Variants in AKAP19 observed in about 807,000 individuals in gnomAD.
AKAP19 encodes the protein A-kinase anchoring protein 19, also known as small A-kinase anchoring protein.
chr2:189,918,020 T>C, the AKAP19 span, among the ~76,000 whole-genome samples: 1 of 152,090 alleles, frequency 6.6e-6, no homozygotes, highest in Non-Finnish European at 1.5e-5. Flanking sequence ...ACATAACTTA[T>C]CATTGTCCAC....
the AKAP19 span, among the ~76,000 whole-genome samples, chr2:189,951,129 A>G: frequency 6.7e-6 from 1 of 150,104 alleles, no homozygotes; most frequent in Non-Finnish European, 1.5e-5. Flanking sequence ...ACTTCCTAGT[A>G]CCAGTATTAG....
the AKAP19 span, among the ~76,000 whole-genome samples, chr2:190,020,531 C>A: frequency 0.011 from 1,750 of 152,256 alleles, 31 homozygotes; most frequent in African/African-American, 0.04. Flanking sequence ...ACAAACCATC[C>A]TTTTCCTACT....
At chr2:190,154,466 C>A in the AKAP19 span, among the ~76,000 whole-genome samples, 14 of 152,218 alleles carry the variant, frequency 9.2e-5, no homozygotes, top group Admixed American at 9.2e-4. Context: ...CACAGATATT[C>A]ATAACTAATC....
the AKAP19 span, among the ~76,000 whole-genome samples, chr2:190,096,776 A>G: frequency 6.6e-6 from 1 of 152,184 alleles, no homozygotes; most frequent in Admixed American, 6.5e-5. Flanking sequence ...AGTAGGAGTC[A>G]GTCCTCTCAA....
chr2:190,050,485 C>T, the AKAP19 span, among the ~76,000 whole-genome samples: 4 of 152,146 alleles, frequency 2.6e-5, no homozygotes, highest in South Asian at 6.2e-4. Flanking sequence ...TTTCTGATCA[C>T]GCTTACTAAT....
the AKAP19 span, among the ~76,000 whole-genome samples, chr2:190,109,873 GCTA>G: frequency 6.6e-6 from 1 of 152,280 alleles, no homozygotes; most frequent in East Asian, 1.9e-4. Flanking sequence ...TATCCATGGT[GCTA>G]CTATTAGGTG....
the AKAP19 span, chr2:190,137,913 A>G: frequency 5.7e-4 from 2 of 3,528 alleles, no homozygotes; most frequent in East Asian, 0.05. Flanking sequence ...TGATTGACAC[A>G]CCAAACCCTT....
At chr2:190,031,130 A>G in the AKAP19 span, among the ~76,000 whole-genome samples, 5 of 152,146 alleles carry the variant, frequency 3.3e-5, no homozygotes, top group Non-Finnish European at 7.4e-5. Context: ...TGACAGGAGG[A>G]TGGGTACTTT....
the AKAP19 span, among the ~76,000 whole-genome samples, chr2:190,175,610 AT>A: frequency 6.6e-6 from 1 of 151,906 alleles, no homozygotes. Flanking sequence ...AAACTAAAGA[AT>A]TTTTTTCTTC....
the AKAP19 span, among the ~76,000 whole-genome samples, chr2:190,031,848 T>G: frequency 6.6e-6 from 1 of 152,154 alleles, no homozygotes; most frequent in Non-Finnish European, 1.5e-5. Flanking sequence ...GCTGGGTCAG[T>G]TTTTTAAAAA....
chr2:189,894,273 TTAAAA>T, the AKAP19 span, among the ~76,000 whole-genome samples: 2 of 152,178 alleles, frequency 1.3e-5, no homozygotes, highest in African/African-American at 4.8e-5. Context: ...TAAGGGTAGA[TTAAAA>T]TAATTTTCTT....
the AKAP19 span, among the ~76,000 whole-genome samples, chr2:189,980,314 A>G: frequency 6.6e-6 from 1 of 152,248 alleles, no homozygotes; most frequent in Non-Finnish European, 1.5e-5. Context: ...GCAGAAACAG[A>G]AAATCAAATC....
the AKAP19 span, among the ~76,000 whole-genome samples, chr2:189,966,947 A>G: frequency 6.6e-6 from 1 of 152,218 alleles, no homozygotes; most frequent in South Asian, 2.1e-4. Flanking sequence ...GAAAACCTGC[A>G]ACTAGAATGG....
the AKAP19 span, among the ~76,000 whole-genome samples, chr2:189,995,928 T>C: frequency 6.6e-6 from 1 of 152,192 alleles, no homozygotes; most frequent in East Asian, 1.9e-4. Context: ...AGGACCCCAA[T>C]CATTTCTGGC....
the AKAP19 span, among the ~76,000 whole-genome samples, chr2:189,937,002 G>GT: frequency 9.9e-5 from 15 of 152,058 alleles, no homozygotes; most frequent in African/African-American, 3.6e-4. Flanking sequence ...GGGCATAATG[G>GT]TGCATGCCTG....
At chr2:189,885,017 A>G in the AKAP19 span, among the ~76,000 whole-genome samples, 1 of 152,208 alleles carries the variant, frequency 6.6e-6, no homozygotes, top group African/African-American at 2.4e-5. Context: ...GGGAAGTCAG[A>G]TTTATGTTTT....
At chr2:190,050,186 A>G in the AKAP19 span, among the ~76,000 whole-genome samples, 1 of 152,252 alleles carries the variant, frequency 6.6e-6, no homozygotes, top group Non-Finnish European at 1.5e-5. Flanking sequence ...ATTGAAGTGA[A>G]GTACAGAAAC....
At chr2:190,155,697 AATGTCT>A in the AKAP19 span, among the ~76,000 whole-genome samples, 5 of 152,194 alleles carry the variant, frequency 3.3e-5, no homozygotes, top group Non-Finnish European at 7.4e-5. Context: ...AGGAAGTAAG[AATGTCT>A]AGTGAGAAAG....
the AKAP19 span, among the ~76,000 whole-genome samples, chr2:189,919,250 GA>G: frequency 6.6e-6 from 1 of 152,144 alleles, no homozygotes; most frequent in Non-Finnish European, 1.5e-5. Flanking sequence ...GGAAGGGATA[GA>G]TGGAGAATGA....
Sources: gnomAD v4.1 joint callset for allele counts (sites outside exome capture counted in the v4.1 genomes callset) on GRCh38, gnomAD v4.1.1 for gene constraint, MANE v1.5 for transcripts, NCBI Gene and HGNC (gene_info 2026-07-23, HGNC 2026-07-21) for gene names.